Variants in TRHDE observed in about 807,000 individuals in gnomAD.
TRHDE encodes thyrotropin-releasing hormone-degrading ectoenzyme.
Under a neutral mutation model 125.7 loss-of-function variants are expected in TRHDE, and 72 were observed. That is an observed-to-expected ratio of 0.57 (90% CI 0.47 to 0.70). The LOEUF (loss-of-function observed/expected upper bound fraction) is 0.70. Ranked by LOEUF, TRHDE falls within the 30% of genes least tolerant of loss-of-function variation. TRHDE has a pLI of 0.00. For missense variants in TRHDE, 1,110 were observed against 1,327.1 expected (o/e 0.84, Z 2.54); for synonymous variants, 509 against 509.1 (o/e 1.00, Z 0.00).
At chr12:72,400,697 A>G (rs1451315361) in intron 3 of TRHDE, among the ~76,000 whole-genome samples, 2 of 152,168 alleles carry the variant, frequency 1.3e-5, no homozygotes, top group African/African-American at 4.8e-5. Context: ...GGTTGCATGT[A>G]TTGTTAAACC....
intron 1 of TRHDE, among the ~76,000 whole-genome samples, chr12:72,280,933 A>G (rs1276768039): frequency 6.6e-6 from 1 of 152,178 alleles, no homozygotes; most frequent in East Asian, 1.9e-4. Context: ...TCAGACACGA[A>G]TTTTATTTAT....
At chr12:72,520,842 C>T (rs138581581) in intron 6 of TRHDE, among the ~76,000 whole-genome samples, 13 of 152,158 alleles carry the variant, frequency 8.5e-5, no homozygotes, top group African/African-American at 3.1e-4. Flanking sequence ...CTTTTATTAC[C>T]GTATTAAAAG....
chr12:72,134,315 C>T (rs1356496378), intron 2 of TRHDE, among the ~76,000 whole-genome samples: 1 of 152,026 alleles, frequency 6.6e-6, no homozygotes, highest in Non-Finnish European at 1.5e-5. Flanking sequence ...CAGAATCGCT[C>T]TATTGCCCCG....
chr12:72,596,815 A>G (rs1412382308), intron 12 of TRHDE, among the ~76,000 whole-genome samples: 1 of 152,240 alleles, frequency 6.6e-6, no homozygotes, highest in Admixed American at 6.5e-5. Context: ...AGTGACTGCA[A>G]CAGATGAATG....
Position 72,575,260 on chromosome 12 carries a change from C to T in TRHDE, c.2137C>T (p.His713Tyr). The change falls in exon 11 of 19, where the codon CAC becomes TAC. Residue 713 changes from histidine (H) to tyrosine (Y), a missense_variant. Transcript: ENST00000261180. ...CCCAAAAATGCTTTTTTCAGAGCAC[C>T]ACAGAATAACTTATTTGGACAAAGG... Reference protein sequence around the residue: ...IIWVSNKSEHHRITYLDKGSW... With the variant: ...IIWVSNKSEHYRITYLDKGSW... 4 of 1,612,776 alleles carry T rather than the reference C, an allele frequency of 2.5e-6. No individual in the cohort carries two copies. Among genetic ancestry groups the T allele is most frequent in the Non-Finnish European group, 3.4e-6 (4 of 1,179,526 alleles).
intron 2 of TRHDE, among the ~76,000 whole-genome samples, chr12:72,356,852 CAA>C (rs1204670232): frequency 2.6e-5 from 4 of 151,282 alleles, no homozygotes; most frequent in African/African-American, 4.8e-5. Context: ...ACTCCAAGCA[CAA>C]AGAGAAAACT....
chr12:72,170,082 G>A (rs560619362), intron 2 of TRHDE, among the ~76,000 whole-genome samples: 5 of 152,260 alleles, frequency 3.3e-5, no homozygotes, highest in South Asian at 2.1e-4. Flanking sequence ...CGACCAGAAC[G>A]TATCGTCTTG....
intron 5 of TRHDE, among the ~76,000 whole-genome samples, chr12:72,490,756 T>TAAA (rs538829137): frequency 2.0e-4 from 23 of 116,246 alleles, no homozygotes; most frequent in South Asian, 5.6e-4. Context: ...GTGGAATCTG[T>TAAA]AAAAAAAAAA....
intron 12 of TRHDE, among the ~76,000 whole-genome samples, chr12:72,585,434 C>T (rs1871399127): frequency 6.6e-6 from 1 of 152,158 alleles, no homozygotes; most frequent in Admixed American, 6.5e-5. Flanking sequence ...TACTTATGGT[C>T]ACTCCACAGT....
chr12:72,598,633 A>G (rs979608178), intron 12 of TRHDE, among the ~76,000 whole-genome samples: 2 of 152,196 alleles, frequency 1.3e-5, no homozygotes, highest in African/African-American at 4.8e-5. Flanking sequence ...CACAAGGGTC[A>G]TTGTGAAGAA....
chr12:72,149,895 T>A (rs1485640596), intron 2 of TRHDE, among the ~76,000 whole-genome samples: 2 of 152,212 alleles, frequency 1.3e-5, no homozygotes, highest in African/African-American at 4.8e-5. Context: ...AGAGTTCCAC[T>A]ATATGGATAC....
chr12:72,627,146 G>C (rs549837925), intron 15 of TRHDE, among the ~76,000 whole-genome samples: 3 of 151,796 alleles, frequency 2.0e-5, no homozygotes, highest in African/African-American at 7.3e-5. Flanking sequence ...GTCATTAAAC[G>C]GTTGTGGCTT....
At chr12:72,604,057 AG>A (rs998630899) in intron 12 of TRHDE, among the ~76,000 whole-genome samples, 1 of 152,206 alleles carries the variant, frequency 6.6e-6, no homozygotes, top group Non-Finnish European at 1.5e-5. Flanking sequence ...ATAAAAAAAA[AG>A]AACAATGAAA....
At chr12:72,226,452 G>T (rs1005547483) in intron 2 of TRHDE, among the ~76,000 whole-genome samples, 6 of 151,988 alleles carry the variant, frequency 3.9e-5, no homozygotes, top group African/African-American at 1.2e-4. Flanking sequence ...TTTTTATTTT[G>T]GGGAAACTCT....
chr12:72,143,179 C>T (rs1876155578), intron 2 of TRHDE, among the ~76,000 whole-genome samples: 1 of 152,180 alleles, frequency 6.6e-6, no homozygotes, highest in Admixed American at 6.5e-5. Context: ...GGCCTCTGCA[C>T]CTGCCGACCT....
At chr12:72,519,006 G>A (rs1168137843) in intron 6 of TRHDE, among the ~76,000 whole-genome samples, 8 of 152,298 alleles carry the variant, frequency 5.3e-5, no homozygotes, top group East Asian at 1.9e-4. Flanking sequence ...AGTTTCTGCC[G>A]AGAGATCTGC....
At chr12:72,368,337 C>T (rs1376232331) in intron 2 of TRHDE, among the ~76,000 whole-genome samples, 1 of 152,100 alleles carries the variant, frequency 6.6e-6, no homozygotes, top group Non-Finnish European at 1.5e-5. Flanking sequence ...ATAATTCTGA[C>T]AACTGAATGT....
Position 72,637,124 on chromosome 12 carries a change from A to G in TRHDE, c.2676-15198A>G, listed in dbSNP as rs561601681. Among the ~76,000 whole-genome samples the G allele has an allele frequency of 9.2e-5, 14 of 152,190 alleles. 1 individual carries two copies. In the East Asian group the frequency reaches 2.3e-3, roughly 25 times the overall value. ...TCTGGTAGAATTCGGCTGTGAATCC[A>G]TCTGGTCCCGGACTCTTTTTGGTTG... On this transcript the variant is annotated intron_variant, in intron 15 of 18. Transcript: ENST00000261180.
chr12:72,173,768 T>G (rs762319146), intron 2 of TRHDE, among the ~76,000 whole-genome samples: 15 of 152,140 alleles, frequency 9.9e-5, no homozygotes, highest in Non-Finnish European at 2.1e-4. Flanking sequence ...ATTTTCTTCC[T>G]CTCTCTTGCT....
Sources: gnomAD v4.1 joint callset for allele counts (sites outside exome capture counted in the v4.1 genomes callset) on GRCh38, gnomAD v4.1.1 for gene constraint, MANE v1.5 for transcripts, NCBI Gene and HGNC (gene_info 2026-07-23, HGNC 2026-07-21) for gene names.